Variants in CERT1 observed in about 807,000 individuals in gnomAD.
The protein encoded by CERT1 is ceramide transfer protein.
CERT1 carries 31 observed loss-of-function variants against 87.9 expected under a neutral mutation model. That is an observed-to-expected ratio of 0.35 (90% confidence interval 0.27 to 0.48). The LOEUF (loss-of-function observed/expected upper bound fraction) is 0.48. CERT1 is among the 20% of genes least tolerant of loss of function. CERT1 has a pLI of 0.99. For synonymous variants in CERT1, 289 were observed against 250.9 expected, an observed-to-expected ratio of 1.15 and a Z score of -1.44; for missense variants, 487 against 758.0, an observed-to-expected ratio of 0.64 and a Z score of 4.20.
At chr5:75,375,502 G>A (rs1247378207), downstream of CERT1, 3 of 151,466 alleles carry the variant, frequency 2.0e-5, no homozygotes, top group East Asian at 1.9e-4. Flanking sequence ...GAACACCTGA[G>A]CTTGAGAAGT....
chr5:75,490,698 CCAT>C (rs1285412386), intron 2 of CERT1, among the ~76,000 whole-genome samples: 1 of 152,070 alleles, frequency 6.6e-6, no homozygotes, highest in Non-Finnish European at 1.5e-5. Flanking sequence ...TGGGATTTCA[CCAT>C]GTTAGCCAGG....
intron 3 of CERT1, among the ~76,000 whole-genome samples, chr5:75,445,655 A>C (rs1764505715): frequency 2.6e-5 from 4 of 152,142 alleles, no homozygotes; most frequent in Admixed American, 2.6e-4. Flanking sequence ...CACTTTTGTC[A>C]GACATAGGAT....
At chr5:75,387,395 A>C (rs1761835605) in intron 12 of CERT1, among the ~76,000 whole-genome samples, 1 of 152,032 alleles carries the variant, frequency 6.6e-6, no homozygotes. Flanking sequence ...TGACTCTTTT[A>C]AGTAGTCTGC....
chr5:75,441,559 T>A (rs925298226), intron 3 of CERT1, among the ~76,000 whole-genome samples: 1 of 152,180 alleles, frequency 6.6e-6, no homozygotes, highest in African/African-American at 2.4e-5. Context: ...TCTATACCCA[T>A]TAAACAGCAA....
At chr5:75,511,923 C>T, upstream of CERT1, 1 of 1,173,778 alleles carries the variant, frequency 8.5e-7, no homozygotes, top group Non-Finnish European at 1.2e-6. Context: ...GGGTGAGTAT[C>T]CCGCGCGGGG....
chr5:75,435,631 T>C (rs1764061137), intron 3 of CERT1, among the ~76,000 whole-genome samples: 1 of 152,210 alleles, frequency 6.6e-6, no homozygotes, highest in Non-Finnish European at 1.5e-5. Context: ...CTTAAGGAAT[T>C]GACTGTGGTG....
chr5:75,379,291 AT>A lies in CERT1; in HGVS notation c.*54del. 1 of 1,428,320 alleles carries A rather than the reference AT, an allele frequency of 7.0e-7. No individual in the cohort carries two copies. Among genetic ancestry groups the A allele is most frequent in the African/African-American group, 1.4e-5 (1 of 69,930 alleles). 88.5% of individuals were successfully genotyped at this position (1,428,320 alleles called of 1,614,324 possible). Reference sequence around the variant, plus strand: ...ACTAAATTTTAGTATTGACAGTCATATTAGTCAAATAAAGTTAAAAAAAGAT... The same window carrying A: ...ACTAAATTTTAGTATTGACAGTCATATAGTCAAATAAAGTTAAAAAAAGAT... On this transcript the variant is annotated 3_prime_UTR_variant, in exon 17 of 17. Coordinates refer to ENST00000643780, the MANE Select transcript of CERT1 (RefSeq NM_001379029.1).
At chr5:75,440,436 C>T (rs1031621056) in intron 3 of CERT1, among the ~76,000 whole-genome samples, 4 of 151,946 alleles carry the variant, frequency 2.6e-5, no homozygotes, top group African/African-American at 9.7e-5. Context: ...CAAACCACCA[C>T]GGGAGAGCTT....
At position 75,439,738 on chromosome 5, in the gene CERT1, G is replaced by A. The variant is rs74662381; in HGVS notation, c.349-13260C>T. 2.1e-3 allele frequency among the ~76,000 whole-genome samples: 317 copies of A among 152,122 alleles called. 1 individual carries two copies. In the East Asian group the frequency reaches 0.027, roughly 13 times the overall value. ...TATTTTAAAACAAACCACATGAGGA[G>A]CCAGATACAATACCTAAGACAGCAA... On this transcript the variant is annotated intron_variant, in intron 3 of 16. Transcript: ENST00000643780.
chr5:75,442,959 A>T, intron 3 of CERT1, among the ~76,000 whole-genome samples: 1 of 152,278 alleles, frequency 6.6e-6, no homozygotes, highest in South Asian at 2.1e-4. Context: ...TAGGAAAAAA[A>T]TTTATATATA....
intron 2 of CERT1, among the ~76,000 whole-genome samples, chr5:75,484,464 A>C (rs1357422593): frequency 6.9e-6 from 1 of 144,006 alleles, no homozygotes; most frequent in African/African-American, 2.6e-5. Flanking sequence ...GAATGGATTA[A>C]AAAAAAAAAA....
intron 2 of CERT1, among the ~76,000 whole-genome samples, chr5:75,488,952 G>C (rs1015971820): frequency 1.3e-5 from 2 of 151,964 alleles, no homozygotes; most frequent in Non-Finnish European, 2.9e-5. Context: ...ACAATCCTAA[G>C]CAAAAAGAAC....
intron 7 of CERT1, among the ~76,000 whole-genome samples, chr5:75,414,609 G>T (rs1385360701): frequency 6.6e-6 from 1 of 151,988 alleles, no homozygotes; most frequent in African/African-American, 2.4e-5. Flanking sequence ...GACATGACTG[G>T]CTAACAATTA....
At chr5:75,458,389 T>C (rs899462951) in intron 3 of CERT1, among the ~76,000 whole-genome samples, 111 of 152,198 alleles carry the variant, frequency 7.3e-4, no homozygotes, top group African/African-American at 2.7e-3. Context: ...AAATCAACAT[T>C]GAAACTTTTA....
chr5:75,511,154 C>A lies in CERT1; in HGVS notation c.54G>T (p.Thr18=). Residue 18 remains threonine (T), a synonymous_variant, in exon 1 of 17, where the codon ACG becomes ACT. Coordinates refer to ENST00000643780, the MANE Select transcript of CERT1 (RefSeq NM_001379029.1). ...AGCGCTCCACAGGCGGCCCAGACTC[C>A]GTCTCTGGATCCTCCTCCGAGCCCG... The part of the protein sequence containing the change: ...NSSGSEEDPE[T]ESGPPVERCG... The A allele has an allele frequency of 6.2e-7, 1 of 1,610,520 alleles. No individual in the cohort carries two copies. The highest frequency in any genetic ancestry group is 1.3e-5 in the African/African-American group (1 of 75,004).
intron 2 of CERT1, among the ~76,000 whole-genome samples, chr5:75,490,713 T>C (rs747461007): frequency 2.6e-5 from 4 of 152,146 alleles, no homozygotes; most frequent in Non-Finnish European, 4.4e-5. Flanking sequence ...TTAGCCAGGA[T>C]GGTCTCGATC....
chr5:75,379,564 T>C (rs1214642521), intron 16 of CERT1, 91 bp from the exon 17 acceptor site: 8 of 1,191,440 alleles, frequency 6.7e-6, no homozygotes, highest in Non-Finnish European at 8.4e-6. Flanking sequence ...TTTAAAATAT[T>C]CCTCACATTG....
At chr5:75,404,467 CT>C (rs1398950164) in intron 8 of CERT1, among the ~76,000 whole-genome samples, 4 of 152,112 alleles carry the variant, frequency 2.6e-5, no homozygotes, top group Non-Finnish European at 4.4e-5. Context: ...GCAGGATTCT[CT>C]TTACAAAATC....
chr5:75,399,238 C>T, intron 11 of CERT1, 72 bp downstream of exon 11: 1 of 1,163,828 alleles, frequency 8.6e-7, no homozygotes, highest in Non-Finnish European at 1.3e-6. Flanking sequence ...CAAAAGATTT[C>T]TAGGAACTGG....
Sources: allele counts gnomAD v4.1 joint callset (sites outside exome capture counted in the v4.1 genomes callset), GRCh38; gene constraint gnomAD v4.1.1; transcripts MANE v1.5; gene names NCBI Gene and HGNC (gene_info 2026-07-23, HGNC 2026-07-21).